Variants in TTC17 observed in about 807,000 individuals in gnomAD.
TTC17 encodes the protein tetratricopeptide repeat domain 17, also known as tetratricopeptide repeat protein 17.
A neutral mutation model predicts 143.8 loss-of-function variants in TTC17; 58 were observed. That is an observed-to-expected ratio of 0.40 (90% CI 0.33 to 0.50). The LOEUF is 0.50. Among genes scored for constraint, TTC17 ranks in the 20% least tolerant of loss-of-function variants. The pLI is 0.49. For missense variants in TTC17, 1,273 were observed against 1,392.5 expected, an observed-to-expected ratio of 0.91 and a Z score of 1.37; for synonymous variants, 501 against 497.8, an observed-to-expected ratio of 1.01 and a Z score of -0.09.
chr11:43,479,418 G>T (rs2134858168), intron 21 of TTC17, among the ~76,000 whole-genome samples: 2 of 152,240 alleles, frequency 1.3e-5, no homozygotes, highest in Middle Eastern at 3.4e-3. Context: ...CAGATATTCA[G>T]TTGATGGGTT....
chr11:43,423,321 A>G (rs891717368), intron 16 of TTC17, among the ~76,000 whole-genome samples: 2 of 152,212 alleles, frequency 1.3e-5, no homozygotes, highest in African/African-American at 2.4e-5. Flanking sequence ...GAAATCATCT[A>G]TGCATTGATG....
intron 16 of TTC17, among the ~76,000 whole-genome samples, chr11:43,438,267 C>T (rs966831836): frequency 3.3e-5 from 5 of 152,210 alleles, no homozygotes; most frequent in African/African-American, 9.7e-5. Flanking sequence ...AAGCAATTCT[C>T]CTGCCTCAGC....
intron 5 of TTC17, among the ~76,000 whole-genome samples, chr11:43,395,874 A>G (rs1857569837): frequency 6.6e-6 from 1 of 152,156 alleles, no homozygotes; most frequent in African/African-American, 2.4e-5. Flanking sequence ...TTGGAGTTTG[A>G]TTTTTACACA....
chr11:43,369,976 A>G (rs975549977), intron 1 of TTC17: 5 of 423,428 alleles, frequency 1.2e-5, no homozygotes, highest in Non-Finnish European at 9.3e-6. Context: ...ATTAACAAAT[A>G]TATTTCCAAA....
At chr11:43,373,491 T>C (rs1856649811) in intron 1 of TTC17, among the ~76,000 whole-genome samples, 1 of 151,922 alleles carries the variant, frequency 6.6e-6, no homozygotes, top group East Asian at 1.9e-4. Context: ...GCCCAGCTAA[T>C]TTTTTGTATT....
chr11:43,369,225 A>G (rs1196096552), intron 1 of TTC17, among the ~76,000 whole-genome samples: 1 of 152,178 alleles, frequency 6.6e-6, no homozygotes, highest in Admixed American at 6.5e-5. Flanking sequence ...GAAGTTACTC[A>G]TTTGTGGTTC....
intron 16 of TTC17, among the ~76,000 whole-genome samples, chr11:43,421,878 C>T (rs1424282852): frequency 5.4e-5 from 7 of 129,546 alleles, no homozygotes; most frequent in Admixed American, 8.4e-5. Context: ...TTGTCTTCTA[C>T]GAAAGCAGCC....
At chr11:43,450,061 G>A (rs1947627644) in intron 19 of TTC17, 21 bp from the exon 20 acceptor site, 4 of 1,607,390 alleles carry the variant, frequency 2.5e-6, no homozygotes, top group African/African-American at 1.3e-5. Context: ...CATAGCTAAT[G>A]TGGTAATCTC....
intron 1 of TTC17, 68 bp downstream of exon 1, chr11:43,359,181 C>T (rs1855987378): frequency 4.1e-6 from 6 of 1,462,708 alleles, no homozygotes; most frequent in Non-Finnish European, 5.4e-6. Context: ...CTGCTTGGCC[C>T]CTGGCTGTTG....
intron 2 of TTC17, among the ~76,000 whole-genome samples, chr11:43,386,875 T>G (rs1429913270): frequency 6.6e-6 from 1 of 152,088 alleles, no homozygotes; most frequent in Non-Finnish European, 1.5e-5. Context: ...ATAACCTCAT[T>G]GCCTGGGCTC....
Position 43,359,104 on chromosome 11 carries a change from C to G in TTC17, c.150C>G (p.Ile50Met), listed in dbSNP as rs1206680715. The G allele has an allele frequency of 6.3e-7, 1 of 1,585,874 alleles. No individual in the cohort carries two copies. Among genetic ancestry groups the G allele is most frequent in the South Asian group, 1.1e-5 (1 of 87,522 alleles). Residue 50 changes from isoleucine to methionine, a missense_variant, in exon 1 of 24, where the codon ATC becomes ATG. Physicochemically the swap from Ile to Met is conservative, Grantham distance 10. Transcript: ENST00000039989. ...GGGTCGTCACGGAGGACGGGAAAAT[C>G]CAGCAGCAGGTAGCGGCCGGGGCGT... The part of the protein sequence containing the change: ...THWVVTEDGK[I>M]QQQVDSPMNL...
At chr11:43,460,068 T>G (rs1947836557) in intron 21 of TTC17, among the ~76,000 whole-genome samples, 1 of 152,176 alleles carries the variant, frequency 6.6e-6, no homozygotes, top group Admixed American at 6.5e-5. Context: ...TATTTTATCT[T>G]GATCCTCAGA....
chr11:43,444,572 T>A (rs1488149480), intron 18 of TTC17: 3 of 160,916 alleles, frequency 1.9e-5, no homozygotes, highest in Non-Finnish European at 4.0e-5. Flanking sequence ...TGAAGCAAAG[T>A]TTTTTTGTAG....
In TTC17 at chr11:43,405,566, C is replaced by T. The variant is rs766483544; in HGVS notation, c.1532C>T (p.Pro511Leu). Residue 511 changes from proline to leucine, a missense_variant, in exon 12 of 24, where the codon CCT (proline) becomes CTT (leucine). Pro to Leu is a moderately conservative substitution (Grantham distance 98). Around this residue, in one of 3 missense-constraint regions of TTC17, gnomAD observed 878 missense variants for 899.8 expected, o/e 0.98. Transcript: ENST00000039989. ...AGAGCAGATTGTACAGAAAGCTACC[C>T]TAGAGTCCCTGTTGGTGGGGAATTG... The part of the protein sequence containing the change: ...PKRADCTESY[P>L]RVPVGGELPT... 3 of 1,613,916 alleles carry T rather than the reference C, an allele frequency of 1.9e-6. No homozygotes were observed. In the East Asian group the frequency reaches 6.7e-5, roughly 36 times the overall value.
chr11:43,420,396 A>C (rs1437845577), intron 16 of TTC17, among the ~76,000 whole-genome samples: 1 of 152,224 alleles, frequency 6.6e-6, no homozygotes, highest in African/African-American at 2.4e-5. Flanking sequence ...AAAGAGATGC[A>C]TTTCTACGTA....
intron 2 of TTC17, among the ~76,000 whole-genome samples, chr11:43,389,425 C>T (rs555161334): frequency 1.3e-5 from 2 of 152,194 alleles, no homozygotes; most frequent in East Asian, 3.9e-4. Context: ...TATGAAGGCC[C>T]ATGTGTGTCA....
At chr11:43,386,939 A>T (rs1263783758) in intron 2 of TTC17, among the ~76,000 whole-genome samples, 3 of 152,006 alleles carry the variant, frequency 2.0e-5, no homozygotes, top group Non-Finnish European at 4.4e-5. Context: ...GGCAAGCACC[A>T]CCATCATACT....
At chr11:43,447,496 G>A (rs1200291424) in intron 18 of TTC17, 4 of 152,678 alleles carry the variant, frequency 2.6e-5, no homozygotes, top group Admixed American at 2.0e-4. Context: ...TTATATCTGG[G>A]GAACAGTGCT....
chr11:43,403,900 A>G, intron 10 of TTC17, 98 bp from the exon 11 acceptor site: 1 of 1,058,066 alleles, frequency 9.5e-7, no homozygotes, highest in Non-Finnish European at 1.3e-6. Flanking sequence ...TTTTCTACTA[A>G]TTTTGAATAT....
Sources: gnomAD v4.1 joint callset for allele counts (sites outside exome capture counted in the v4.1 genomes callset) on GRCh38, gnomAD v4.1.1 for gene constraint, gnomAD v4.1.1 regional missense constraint, MANE v1.5 for transcripts, NCBI Gene and HGNC (gene_info 2026-07-23, HGNC 2026-07-21) for gene names.